NLGN1: variants seen among roughly 807,000 people sequenced by gnomAD.
NLGN1 encodes neuroligin-1.
NLGN1 carries 12 observed loss-of-function variants against 65.5 expected under a neutral mutation model. That is an observed-to-expected ratio of 0.18 (90% CI 0.12 to 0.30). The LOEUF (loss-of-function observed/expected upper bound fraction) is 0.30. Ranked by LOEUF, NLGN1 falls within the 10% of genes least tolerant of loss-of-function variation. The pLI is 1.00. For synonymous variants in NLGN1, 350 were observed against 359.5 expected, an observed-to-expected ratio of 0.97 and a Z score of 0.30; for missense variants, 750 against 1,007.1, an observed-to-expected ratio of 0.74 and a Z score of 3.46.
intron 4 of NLGN1, among the ~76,000 whole-genome samples, chr3:174,236,951 G>C (rs1741823894): frequency 6.6e-6 from 1 of 151,986 alleles, no homozygotes; most frequent in Non-Finnish European, 1.5e-5. Context: ...CTAAAGTTCA[G>C]TTCATCAATT....
Position 174,141,270 on chromosome 3 carries a change from A to G in NLGN1, c.647-134045A>G, listed in dbSNP as rs532655805. On this transcript the variant is annotated intron_variant, in intron 4 of 6. Coordinates refer to ENST00000457714, the Ensembl canonical transcript of NLGN1. ...AGGAATAGGATTATATCCTTCAGGAAATTTATAAGTAATTTTCCTATCCAG... is the reference window on the plus strand; with the variant it reads ...AGGAATAGGATTATATCCTTCAGGAGATTTATAAGTAATTTTCCTATCCAG... 4.6e-5 allele frequency among the ~76,000 whole-genome samples: 7 copies of G among 152,288 alleles called. No homozygotes were observed. The East Asian group carries it at 1.4e-3, about 29-fold the overall frequency.
At chr3:173,574,062 CAAAAAAAAAAAA>C (rs1192427397) in intron 2 of NLGN1, among the ~76,000 whole-genome samples, 2 of 51,918 alleles carry the variant, frequency 3.9e-5, no homozygotes, top group African/African-American at 1.6e-4. Flanking sequence ...GACTCCACCT[CAAAAAAAAAAAA>C]AAAAAAAAAG....
chr3:173,762,797 G>C (rs920034829), intron 3 of NLGN1, among the ~76,000 whole-genome samples: 3 of 151,976 alleles, frequency 2.0e-5, no homozygotes, highest in East Asian at 1.9e-4. Context: ...ATAAAGTTTT[G>C]GGTGAGATTG....
chr3:173,512,274 G>A (rs2149099591), intron 2 of NLGN1, among the ~76,000 whole-genome samples: 1 of 152,320 alleles, frequency 6.6e-6, no homozygotes, highest in Admixed American at 6.5e-5. Flanking sequence ...AGTGCATCTT[G>A]AATTCTAGTC....
intron 2 of NLGN1, among the ~76,000 whole-genome samples, chr3:173,448,448 G>C (rs1483361176): frequency 6.6e-6 from 1 of 152,182 alleles, no homozygotes; most frequent in Non-Finnish European, 1.5e-5. Context: ...TTGATGTGTT[G>C]CTGTATTTGG....
intron 2 of NLGN1, among the ~76,000 whole-genome samples, chr3:173,467,226 TG>T (rs766618526): frequency 1.8e-3 from 268 of 152,228 alleles, no homozygotes; most frequent in South Asian, 4.8e-3. Flanking sequence ...TGTAAATGTA[TG>T]TTTTTTAAAT....
intron 4 of NLGN1, among the ~76,000 whole-genome samples, chr3:174,110,312 T>G (rs1010728158): frequency 4.6e-5 from 7 of 152,012 alleles, no homozygotes; most frequent in African/African-American, 1.7e-4. Context: ...ATCATAACAT[T>G]ACGTTTGGTT....
At chr3:174,116,153 C>T (rs909875508) in intron 4 of NLGN1, among the ~76,000 whole-genome samples, 5 of 151,928 alleles carry the variant, frequency 3.3e-5, no homozygotes, top group African/African-American at 9.7e-5. Context: ...AATATAAAAG[C>T]TTTGAAAAGT....
chr3:173,603,295 G>A (rs560165323), intron 2 of NLGN1, among the ~76,000 whole-genome samples: 74 of 152,144 alleles, frequency 4.9e-4, no homozygotes, highest in Non-Finnish European at 1.0e-3. Context: ...TGTGGATTAC[G>A]TTGCACTGAA....
intron 4 of NLGN1, among the ~76,000 whole-genome samples, chr3:173,981,824 A>G (rs571499978): frequency 2.0e-5 from 3 of 152,178 alleles, no homozygotes; most frequent in South Asian, 2.1e-4. Flanking sequence ...TCATTTTACT[A>G]ATTTTCATTT....
intron 2 of NLGN1, among the ~76,000 whole-genome samples, chr3:173,442,874 G>A (rs1362831973): frequency 6.6e-6 from 1 of 152,084 alleles, no homozygotes; most frequent in Non-Finnish European, 1.5e-5. Context: ...GGTCTAACAA[G>A]TAAGATACAC....
At chr3:174,062,913 A>G (rs868485680) in intron 4 of NLGN1, among the ~76,000 whole-genome samples, 3 of 152,084 alleles carry the variant, frequency 2.0e-5, no homozygotes, top group East Asian at 3.8e-4. Context: ...ATAACACTGT[A>G]TTAGATACTG....
intron 4 of NLGN1, among the ~76,000 whole-genome samples, chr3:174,251,543 C>G (rs981067171): frequency 6.6e-6 from 1 of 152,166 alleles, no homozygotes; most frequent in African/African-American, 2.4e-5. Flanking sequence ...ACCAGCAGGC[C>G]TTTCCTCTTA....
rs921669951 is a variant in NLGN1 at position 173,697,064 on chromosome 3, T to A, written c.493+91973T>A. ...AACAATGCTATCCTTCTCATCATTT[T>A]AAAAATATGATCAGAAGTAGTATTG... On this transcript the variant is annotated intron_variant, in intron 3 of 6. Transcript: ENST00000457714. Among the ~76,000 whole-genome samples the A allele has an allele frequency of 3.9e-5, 6 of 152,340 alleles. No homozygotes were observed. In the East Asian group the frequency reaches 9.6e-4, roughly 24 times the overall value.
intron 4 of NLGN1, among the ~76,000 whole-genome samples, chr3:174,129,617 C>G (rs1719747964): frequency 6.6e-6 from 1 of 152,090 alleles, no homozygotes; most frequent in Non-Finnish European, 1.5e-5. Context: ...ACTGGTTAGA[C>G]TTTAGCTATG....
intron 3 of NLGN1, among the ~76,000 whole-genome samples, chr3:173,797,696 C>CAAAAAAAAAAA (rs112560290): frequency 1.4e-5 from 2 of 144,738 alleles, no homozygotes; most frequent in Admixed American, 6.8e-5. Context: ...ACAACAACAA[C>CAAAAAAAAAAA]AACAAAAAAA....
intron 3 of NLGN1, among the ~76,000 whole-genome samples, chr3:173,703,508 GTGTTTT>G (rs1767575224): frequency 6.6e-6 from 1 of 151,982 alleles, no homozygotes; most frequent in Non-Finnish European, 1.5e-5. Context: ...ACTAACGTTT[GTGTTTT>G]TAAGTCCTAT....
intron 4 of NLGN1, among the ~76,000 whole-genome samples, chr3:174,089,166 T>G (rs1012064813): frequency 6.6e-6 from 1 of 152,224 alleles, no homozygotes; most frequent in African/African-American, 2.4e-5. Flanking sequence ...TATTTTTAAT[T>G]TAAATGCATA....
chr3:173,894,906 G>T (rs1736068202), intron 4 of NLGN1, among the ~76,000 whole-genome samples: 1 of 146,448 alleles, frequency 6.8e-6, no homozygotes, highest in South Asian at 2.1e-4. Flanking sequence ...CAAAGTGCTG[G>T]GATTACAGGC....
Sources: gnomAD v4.1 joint callset for allele counts (sites outside exome capture counted in the v4.1 genomes callset) on GRCh38, gnomAD v4.1.1 for gene constraint, MANE v1.5 for transcripts, NCBI Gene and HGNC (gene_info 2026-07-23, HGNC 2026-07-21) for gene names.